The following HSPA12A variants were observed in gnomAD, a reference collection of about 807,000 sequenced individuals.
The protein encoded by HSPA12A is heat shock protein family A (Hsp70) member 12A.
A neutral mutation model predicts 69.2 loss-of-function variants in HSPA12A; 28 were observed. The ratio of observed to expected loss-of-function variants is 0.40; its 90% confidence interval spans 0.30 to 0.55. HSPA12A has a LOEUF of 0.55. Ranked by LOEUF, HSPA12A falls within the 20% of genes least tolerant of loss-of-function variation. The pLI, the probability that HSPA12A is intolerant of heterozygous loss-of-function variation, is 0.38. For synonymous variants in HSPA12A, 345 were observed against 370.5 expected, an observed-to-expected ratio of 0.93 and a Z score of 0.79; for missense variants, 686 against 900.7, an observed-to-expected ratio of 0.76 and a Z score of 3.05.
At chr10:116,804,733 A>G (rs529959625) in intron 2 of HSPA12A, among the ~76,000 whole-genome samples, 2 of 152,288 alleles carry the variant, frequency 1.3e-5, no homozygotes, top group African/African-American at 4.8e-5. Context: ...CTTCCCTTCA[A>G]AACCACTGGA....
intron 1 of HSPA12A, among the ~76,000 whole-genome samples, chr10:116,716,456 G>A (rs1850607676): frequency 6.6e-6 from 1 of 151,750 alleles, no homozygotes; most frequent in Non-Finnish European, 1.5e-5. Flanking sequence ...TGGGGGGTGG[G>A]GTGGGGGGTG....
chr10:116,680,867 T>C (rs1469093722), intron 9 of HSPA12A, among the ~76,000 whole-genome samples: 12 of 152,216 alleles, frequency 7.9e-5, no homozygotes, highest in Non-Finnish European at 4.4e-5. Context: ...AACATCAAGT[T>C]GCAATCTCAT....
At chr10:116,811,328 A>T (rs537755973) in intron 2 of HSPA12A, among the ~76,000 whole-genome samples, 12 of 152,266 alleles carry the variant, frequency 7.9e-5, no homozygotes, top group African/African-American at 2.4e-4. Context: ...CAAGGGCTTC[A>T]CATCCAATTC....
intron 2 of HSPA12A, among the ~76,000 whole-genome samples, chr10:116,759,869 C>G (rs1843932186): frequency 6.6e-6 from 1 of 152,136 alleles, no homozygotes. Context: ...CTCATGAGAT[C>G]TGATGGTTTA....
intron 2 of HSPA12A, among the ~76,000 whole-genome samples, chr10:116,800,047 C>T (rs780177967): frequency 6.6e-6 from 1 of 152,178 alleles, no homozygotes; most frequent in Non-Finnish European, 1.5e-5. Flanking sequence ...CATTCCATCT[C>T]TCCTTCCTAA....
chr10:116,711,357 T>C (rs1850421391), intron 1 of HSPA12A, among the ~76,000 whole-genome samples: 1 of 152,132 alleles, frequency 6.6e-6, no homozygotes, highest in Non-Finnish European at 1.5e-5. Flanking sequence ...TTTCCTATAG[T>C]CGAGGCTTGA....
intron 1 of HSPA12A, among the ~76,000 whole-genome samples, chr10:116,718,571 G>A (rs1441031919): frequency 1.3e-5 from 2 of 152,126 alleles, no homozygotes; most frequent in African/African-American, 4.8e-5. Context: ...CAGTTGTACG[G>A]CTTGTGCACT....
chr10:116,767,772 T>C (rs1157319604), intron 2 of HSPA12A, among the ~76,000 whole-genome samples: 1 of 152,208 alleles, frequency 6.6e-6, no homozygotes, highest in East Asian at 1.9e-4. Context: ...TGTGGCTTCA[T>C]GACAGCATGA....
chr10:116,678,610 T>TA (rs1849312701), intron 10 of HSPA12A, among the ~76,000 whole-genome samples: 1 of 137,034 alleles, frequency 7.3e-6, no homozygotes, highest in Non-Finnish European at 1.6e-5. Flanking sequence ...AAAAGACAAA[T>TA]GGAAAAATGT....
chr10:116,731,789 C>T (rs1851162382), intron 1 of HSPA12A, among the ~76,000 whole-genome samples: 1 of 152,170 alleles, frequency 6.6e-6, no homozygotes, highest in East Asian at 1.9e-4. Flanking sequence ...GCAAGGTAAC[C>T]CTTCTTCTGG....
Position 116,707,185 on chromosome 10 carries a change from ACACACAC to A in HSPA12A, c.126+8_126+14del, listed in dbSNP as rs782073491. On this transcript the variant is annotated splice_region_variant and intron_variant, in intron 2 of 11. Coordinates refer to ENST00000369209, the MANE Select transcript of HSPA12A (RefSeq NM_025015.3). ...CACACACACACACACACACACACAC[ACACACAC>A]TTCTTACCACAATATGGGAGGGGGA... 3.2e-6 allele frequency: 5 copies of A among 1,573,716 alleles called. No homozygotes were observed. The highest frequency in any genetic ancestry group is 4.3e-6 in the Non-Finnish European group (5 of 1,152,658).
chr10:116,829,494 G>C (rs1467686081), intron 2 of HSPA12A: 3 of 152,506 alleles, frequency 2.0e-5, no homozygotes, highest in Non-Finnish European at 4.4e-5. Context: ...AAGAGGAAGG[G>C]CTCTGGGAAG....
chr10:116,842,311 C>G (rs1429110681), intron 1 of HSPA12A, among the ~76,000 whole-genome samples: 1 of 152,190 alleles, frequency 6.6e-6, no homozygotes, highest in Admixed American at 6.5e-5. Flanking sequence ...GATAAAACAT[C>G]TAACTGGTCC....
chr10:116,732,350 A>AAGAG (rs1392442509), intron 1 of HSPA12A, among the ~76,000 whole-genome samples: 113 of 148,376 alleles, frequency 7.6e-4, no homozygotes, highest in Non-Finnish European at 1.4e-3. Context: ...GAAAGAAAGA[A>AAGAG]AGAGACAGAG....
rs782216299 is a variant in HSPA12A at position 116,676,394 on chromosome 10, C to T, written c.1390+5G>A. The T allele has an allele frequency of 6.2e-7, 1 of 1,612,174 alleles. No homozygotes were observed. Among genetic ancestry groups the T allele is most frequent in the Non-Finnish European group, 8.5e-7 (1 of 1,178,684 alleles). On this transcript the variant is annotated splice_donor_5th_base_variant and intron_variant, in intron 11 of 11. Transcript: ENST00000369209. ...GCCGAGTGGCCGAGCCTGGCTGATACTTACGGAGATGCTCAATGATGCTAT... is the reference window on the plus strand; with the variant it reads ...GCCGAGTGGCCGAGCCTGGCTGATATTTACGGAGATGCTCAATGATGCTAT...
intron 2 of HSPA12A, among the ~76,000 whole-genome samples, chr10:116,810,430 C>T (rs1323507481): frequency 6.6e-6 from 1 of 152,164 alleles, no homozygotes; most frequent in Admixed American, 6.5e-5. Flanking sequence ...TTTCTTTCCT[C>T]TCTACCACCT....
chr10:116,718,633 C>T (rs757816055), intron 1 of HSPA12A, among the ~76,000 whole-genome samples: 3 of 152,250 alleles, frequency 2.0e-5, no homozygotes, highest in Middle Eastern at 3.4e-3. Flanking sequence ...CTGCACTTAC[C>T]CAGAGGTAAG....
At chr10:116,755,609 CAAA>C (rs1204991661) in intron 2 of HSPA12A, among the ~76,000 whole-genome samples, 343 of 46,020 alleles carry the variant, frequency 7.5e-3, no homozygotes, top group African/African-American at 0.027. Context: ...GAGACTGTCT[CAAA>C]AAAAAAAAAA....
rs1056038912 is a variant in HSPA12A at position 116,710,994 on chromosome 10, T to C, written c.41-3709A>G. Among the ~76,000 whole-genome samples the C allele has an allele frequency of 1.3e-5, 2 of 152,162 alleles. No homozygotes were observed. Among genetic ancestry groups the C allele is most frequent in the Non-Finnish European group, 2.9e-5 (2 of 68,038 alleles). On this transcript the variant is annotated intron_variant, in intron 1 of 11. Coordinates refer to ENST00000369209, the MANE Select transcript of HSPA12A (RefSeq NM_025015.3). The surrounding 1 kb of genome is among the most constrained non-coding windows in gnomAD (Gnocchi z 4.1). ...ACAAGGCTTGAGATCTTTCATTCAG[T>C]AGGTAAATGATCAGAAATAAAATAC...
Sources: allele counts gnomAD v4.1 joint callset (sites outside exome capture counted in the v4.1 genomes callset), GRCh38; gene constraint gnomAD v4.1.1; non-coding constraint Gnocchi (gnomAD v3.1); transcripts MANE v1.5; gene names NCBI Gene and HGNC (gene_info 2026-07-23, HGNC 2026-07-21).